NRXN3: variants seen among roughly 807,000 people sequenced by gnomAD.
NRXN3 encodes neurexin III.
A neutral mutation model predicts 137.6 loss-of-function variants in NRXN3; 32 were observed. That is an observed-to-expected ratio of 0.23 (90% CI 0.18 to 0.31). The LOEUF is 0.31. NRXN3 is among the 10% of genes least tolerant of loss of function. The probability of loss-of-function intolerance (pLI) is 1.00; values close to 1 mark genes in which losing one functional copy is unlikely to be tolerated. For synonymous variants in NRXN3, 798 were observed against 784.5 expected, an observed-to-expected ratio of 1.02 and a Z score of -0.29; for missense variants, 1,574 against 2,062.5, an observed-to-expected ratio of 0.76 and a Z score of 4.59.
chr14:78,243,060 G>C lies in NRXN3; in HGVS notation c.-34G>C. The C allele has an allele frequency of 6.9e-7, 1 of 1,450,506 alleles. No homozygotes were observed. Among genetic ancestry groups the C allele is most frequent in the Middle Eastern group, 1.8e-4 (1 of 5,618 alleles). 89.9% of individuals were successfully genotyped at this position (1,450,506 alleles called of 1,614,324 possible). ...TCCTCTCCGGGCTGTTCCCTGGCCTGTCTGCTCCTCCGGGCTCTGTCCCAG... is the reference window on the plus strand; with the variant it reads ...TCCTCTCCGGGCTGTTCCCTGGCCTCTCTGCTCCTCCGGGCTCTGTCCCAG... On this transcript the variant is annotated 5_prime_UTR_variant, in exon 2 of 21. Transcript: ENST00000335750. This position sits in a 1 kb window ranked among gnomAD's most constrained non-coding sequence, Gnocchi z 4.2.
chr14:79,554,367 G>A (rs2097407155), intron 16 of NRXN3, among the ~76,000 whole-genome samples: 1 of 152,180 alleles, frequency 6.6e-6, no homozygotes, highest in Admixed American at 6.5e-5. Context: ...AACATTTCAT[G>A]TGCTTTTAGT....
intron 10 of NRXN3, among the ~76,000 whole-genome samples, chr14:78,935,898 CTT>C (rs959081497): frequency 1.3e-5 from 2 of 152,164 alleles, no homozygotes; most frequent in African/African-American, 2.4e-5. Context: ...TCAACCATCT[CTT>C]CTATTTATAC....
chr14:78,498,555 G>T (rs186744600), intron 4 of NRXN3, among the ~76,000 whole-genome samples: 3 of 152,278 alleles, frequency 2.0e-5, no homozygotes, highest in Non-Finnish European at 2.9e-5. Flanking sequence ...CTGGTTGGGG[G>T]TAGGGATAAT....
intron 4 of NRXN3, among the ~76,000 whole-genome samples, chr14:78,407,475 T>C (rs1001378886): frequency 6.6e-6 from 1 of 152,116 alleles, no homozygotes; most frequent in African/African-American, 2.4e-5. Context: ...TGGAAGGCCA[T>C]TTTTTTCCTG....
At chr14:79,028,553 A>G (rs2099602234) in intron 15 of NRXN3, among the ~76,000 whole-genome samples, 1 of 152,210 alleles carries the variant, frequency 6.6e-6, no homozygotes, top group African/African-American at 2.4e-5. Flanking sequence ...AGTGGATCAA[A>G]CAAAAGAGAT....
chr14:78,736,232 C>T (rs997336536), intron 8 of NRXN3, among the ~76,000 whole-genome samples: 4 of 152,196 alleles, frequency 2.6e-5, no homozygotes, highest in Non-Finnish European at 2.9e-5. Context: ...CTCCACCTTT[C>T]GCTTAGCGTG....
intron 4 of NRXN3, among the ~76,000 whole-genome samples, chr14:78,384,181 A>C (rs1210079722): frequency 6.6e-6 from 1 of 152,204 alleles, no homozygotes; most frequent in Non-Finnish European, 1.5e-5. Flanking sequence ...GAACCTGGCC[A>C]GATCTCTGCC....
At chr14:78,837,010 C>T (rs2152427475) in intron 10 of NRXN3, among the ~76,000 whole-genome samples, 1 of 152,280 alleles carries the variant, frequency 6.6e-6, no homozygotes. Flanking sequence ...TGTTCAAGTT[C>T]ACTTGTTAAC....
intron 4 of NRXN3, among the ~76,000 whole-genome samples, chr14:78,391,833 G>T (rs2090820215): frequency 6.6e-6 from 1 of 152,062 alleles, no homozygotes. Context: ...CTCCCATAAA[G>T]AACTATTTTC....
rs80311138 is a variant in NRXN3 at position 78,229,277 on chromosome 14, C to CT, written c.-703-13101dup. On this transcript the variant is annotated intron_variant, in intron 1 of 20. Transcript: ENST00000335750. ...CTGTCTTATGTTTTGGGGTTTACTT[C>CT]TTTTTTTTTTTTTCAATCAGAGTCT... Among the ~76,000 whole-genome samples, 405 of 142,066 alleles carry CT rather than the reference C, an allele frequency of 2.9e-3. 3 individuals are homozygous for CT. Among genetic ancestry groups the CT allele is most frequent in the African/African-American group, 6.5e-3 (253 of 39,120 alleles). 93.2% of individuals were successfully genotyped at this position (142,066 alleles called of 152,430 possible).
At chr14:79,660,467 C>T (rs778784426) in intron 16 of NRXN3, among the ~76,000 whole-genome samples, 4 of 152,120 alleles carry the variant, frequency 2.6e-5, no homozygotes, top group Non-Finnish European at 5.9e-5. Flanking sequence ...GAAGATCTCC[C>T]AGAAACACTG....
chr14:79,270,360 T>G (rs536626257), intron 15 of NRXN3, among the ~76,000 whole-genome samples: 7 of 152,310 alleles, frequency 4.6e-5, no homozygotes, highest in Admixed American at 1.3e-4. Context: ...AATATCTCGA[T>G]AGTATTGCAC....
At chr14:79,426,426 C>T (rs2095655788) in intron 15 of NRXN3, among the ~76,000 whole-genome samples, 1 of 152,108 alleles carries the variant, frequency 6.6e-6, no homozygotes, top group African/African-American at 2.4e-5. Context: ...CAGAGAAAGG[C>T]AAAAGGCAGG....
chr14:79,517,001 T>C (rs185321255), intron 16 of NRXN3, among the ~76,000 whole-genome samples: 2 of 152,036 alleles, frequency 1.3e-5, no homozygotes, highest in East Asian at 3.9e-4. Context: ...ATCTCAGAAG[T>C]AGAATGACTT....
At position 78,798,443 on chromosome 14, in the gene NRXN3, C is replaced by T. The variant is rs1240242352; in HGVS notation, c.2045-5177C>T. Among the ~76,000 whole-genome samples, 3 of 152,220 alleles carry T rather than the reference C, an allele frequency of 2.0e-5. No homozygotes were observed. The East Asian group carries it at 5.8e-4, about 29-fold the overall frequency. ...CCCATGGCTTTGGGCAGCTCCACCC[C>T]TGTGGGTTTGCAGAGTACAATTCCT... On this transcript the variant is annotated intron_variant, in intron 8 of 20. Transcript: ENST00000335750.
intron 1 of NRXN3, among the ~76,000 whole-genome samples, chr14:78,206,044 T>G (rs1371894889): frequency 6.6e-6 from 1 of 152,170 alleles, no homozygotes; most frequent in Non-Finnish European, 1.5e-5. Context: ...AGAAACCAGA[T>G]CACAAAGCAA....
intron 11 of NRXN3, among the ~76,000 whole-genome samples, chr14:78,960,354 C>T (rs1483821206): frequency 1.3e-5 from 2 of 152,098 alleles, no homozygotes; most frequent in East Asian, 3.9e-4. Context: ...AACTAAAATA[C>T]CCACAGTCCT....
chr14:79,372,817 C>T (rs774934692), intron 15 of NRXN3, among the ~76,000 whole-genome samples: 4 of 152,098 alleles, frequency 2.6e-5, no homozygotes, highest in African/African-American at 9.7e-5. Context: ...TTGACATATT[C>T]GTTTCAAAGC....
At chr14:78,547,294 G>T (rs566829361) in intron 4 of NRXN3, among the ~76,000 whole-genome samples, 1 of 151,110 alleles carries the variant, frequency 6.6e-6, no homozygotes. Context: ...CAAGCTCCCC[G>T]TCCTGGGTTC....
Sources: allele counts gnomAD v4.1 joint callset (sites outside exome capture counted in the v4.1 genomes callset), GRCh38; gene constraint gnomAD v4.1.1; non-coding constraint Gnocchi (gnomAD v3.1); transcripts MANE v1.5; gene names NCBI Gene and HGNC (gene_info 2026-07-23, HGNC 2026-07-21).